SRGAP1: variants seen among roughly 807,000 people sequenced by gnomAD.
SRGAP1 encodes the protein SLIT-ROBO Rho GTPase-activating protein 1.
A neutral mutation model predicts 121.9 loss-of-function variants in SRGAP1; 43 were observed. The observed-to-expected ratio is 0.35, with a 90% CI of 0.28 to 0.46. The LOEUF (loss-of-function observed/expected upper bound fraction) is 0.46, where lower values mean the gene tolerates loss of function less well. Among genes scored for constraint, SRGAP1 ranks in the 20% least tolerant of loss-of-function variants. The probability of loss-of-function intolerance (pLI) is 1.00; values close to 1 mark genes in which losing one functional copy is unlikely to be tolerated. For missense variants in SRGAP1, 1,102 were observed against 1,350.9 expected (o/e 0.82, Z 2.89); for synonymous variants, 447 against 485.4 (o/e 0.92, Z 1.04).
chr12:63,874,929 T>C (rs908192165), intron 1 of SRGAP1, among the ~76,000 whole-genome samples: 7 of 152,228 alleles, frequency 4.6e-5, no homozygotes, highest in Admixed American at 4.6e-4. Flanking sequence ...AAAAAAATTT[T>C]TTTTGAGATA....
At position 64,150,934 on chromosome 12, in the gene SRGAP1, C is replaced by CTAAAAAAAAAAAAA. The variant is rs2037113096; in HGVS notation, c.*8262_*8263insTAAAAAAAAAAAAA. The CTAAAAAAAAAAAAA allele has an allele frequency of 4.0e-5, 1 of 24,706 alleles. No homozygotes were observed. Among genetic ancestry groups the CTAAAAAAAAAAAAA allele is most frequent in the Non-Finnish European group, 1.0e-4 (1 of 9,650 alleles). 1.5% of individuals were successfully genotyped at this position (24,706 alleles called of 1,614,324 possible). On this transcript the variant is annotated 3_prime_UTR_variant, in exon 22 of 22. Coordinates refer to ENST00000355086, the MANE Select transcript of SRGAP1 (RefSeq NM_020762.4). ...TGGGTGGAAGAGTGAGAAGCTATCT[C>CTAAAAAAAAAAAAA]AAAAAAAAAAAAAAAAAAAAAAAAA... is the stretch of plus-strand genomic sequence containing the variant.
chr12:63,960,980 C>G (rs1411991180), intron 1 of SRGAP1, among the ~76,000 whole-genome samples: 3 of 152,152 alleles, frequency 2.0e-5, no homozygotes, highest in Non-Finnish European at 4.4e-5. Flanking sequence ...CAGAATAAAT[C>G]TGTGTTGTTT....
chr12:63,899,942 A>G (rs1900880597), intron 1 of SRGAP1, among the ~76,000 whole-genome samples: 1 of 152,226 alleles, frequency 6.6e-6, no homozygotes, highest in African/African-American at 2.4e-5. Context: ...AATATGAGGC[A>G]CTGAACTCGA....
At chr12:64,100,298 A>T (rs1019015578) in intron 15 of SRGAP1, among the ~76,000 whole-genome samples, 10 of 152,226 alleles carry the variant, frequency 6.6e-5, no homozygotes, top group African/African-American at 2.4e-4. Context: ...TCCTCAAGTT[A>T]CATTGTTTCC....
At chr12:63,914,933 G>C (rs1336757468) in intron 1 of SRGAP1, among the ~76,000 whole-genome samples, 1 of 152,134 alleles carries the variant, frequency 6.6e-6, no homozygotes. Context: ...AGGATGTTAA[G>C]ATTGTTTTTG....
intron 3 of SRGAP1, among the ~76,000 whole-genome samples, chr12:64,007,587 T>C (rs1003332679): frequency 6.6e-6 from 1 of 152,102 alleles, no homozygotes; most frequent in African/African-American, 2.4e-5. Context: ...GTTAAAGACA[T>C]TGGGAATATT....
At chr12:63,864,412 T>C (rs1250368160) in intron 1 of SRGAP1, among the ~76,000 whole-genome samples, 2 of 152,210 alleles carry the variant, frequency 1.3e-5, no homozygotes, top group Non-Finnish European at 2.9e-5. Flanking sequence ...TGTAGATTAG[T>C]ATACATCTCA....
At chr12:64,087,872 T>G (rs1313242988) in intron 11 of SRGAP1, among the ~76,000 whole-genome samples, 12 of 152,220 alleles carry the variant, frequency 7.9e-5, no homozygotes, top group Non-Finnish European at 4.4e-5. Flanking sequence ...TGTACTTTCT[T>G]CATTCAGGGG....
chr12:64,029,522 C>A (rs2034727440), intron 4 of SRGAP1, among the ~76,000 whole-genome samples: 1 of 152,020 alleles, frequency 6.6e-6, no homozygotes, highest in East Asian at 1.9e-4. Flanking sequence ...AAGCATGGAA[C>A]CACTCAGGAG....
At chr12:63,855,459 A>C (rs1305892946) in intron 1 of SRGAP1, among the ~76,000 whole-genome samples, 1 of 148,822 alleles carries the variant, frequency 6.7e-6, no homozygotes, top group Non-Finnish European at 1.5e-5. Flanking sequence ...GCAGCAGTCA[A>C]CATGAAAAAT....
chr12:63,865,344 C>T (rs1899590261), intron 1 of SRGAP1, among the ~76,000 whole-genome samples: 1 of 151,962 alleles, frequency 6.6e-6, no homozygotes, highest in East Asian at 1.9e-4. Flanking sequence ...TGGTGGGTGC[C>T]TATAATCTTA....
chr12:63,853,456 A>G (rs898646741), intron 1 of SRGAP1, among the ~76,000 whole-genome samples: 1 of 152,262 alleles, frequency 6.6e-6, no homozygotes, highest in South Asian at 2.1e-4. Flanking sequence ...AACTAACTGT[A>G]TACATGCAAT....
At position 63,968,890 on chromosome 12, in the gene SRGAP1, A is replaced by G. The variant is rs113285732; in HGVS notation, c.68-15057A>G. ...GCACCTGTGCTTGGGGAAGCATCCA[A>G]TGGAGTGGCAGAGGCTCAATGCCAT... is the stretch of plus-strand genomic sequence containing the variant. On this transcript the variant is annotated intron_variant, in intron 1 of 21. Coordinates refer to ENST00000355086, the MANE Select transcript of SRGAP1 (RefSeq NM_020762.4). Among the ~76,000 whole-genome samples, 960 of 152,278 alleles carry G rather than the reference A, an allele frequency of 6.3e-3. 14 individuals carry two copies. The highest frequency in any genetic ancestry group is 0.022 in the African/African-American group (902 of 41,560).
chr12:64,098,683 A>T lies in SRGAP1; in HGVS notation c.1813+1308A>T, dbSNP rs10693359. ...AGACTCTGTCTCAAAAAAAAATAAA[A>T]AAATAAAAAAGCTAACTCCATGGCA... On this transcript the variant is annotated intron_variant, in intron 15 of 21. Transcript: ENST00000355086. Among the ~76,000 whole-genome samples, 26 of 144,818 alleles carry T rather than the reference A, an allele frequency of 1.8e-4. 1 individual carries two copies. Among genetic ancestry groups the T allele is most frequent in the African/African-American group, 6.9e-4 (24 of 34,548 alleles).
intron 21 of SRGAP1, among the ~76,000 whole-genome samples, chr12:64,141,603 T>C (rs1336056325): frequency 6.6e-6 from 1 of 151,940 alleles, no homozygotes; most frequent in African/African-American, 2.4e-5. Flanking sequence ...GTTGAAAATC[T>C]TTTTTTCAAA....
intron 19 of SRGAP1, 83 bp from the exon 20 acceptor site, chr12:64,127,507 A>C: frequency 2.2e-6 from 3 of 1,392,550 alleles, no homozygotes; most frequent in Non-Finnish European, 2.9e-6. Flanking sequence ...CTATCACGTA[A>C]ATTTTCATCT....
Position 64,147,254 on chromosome 12 carries a change from C to T in SRGAP1, c.*4582C>T. On this transcript the variant is annotated 3_prime_UTR_variant, in exon 22 of 22. Coordinates refer to ENST00000355086, the MANE Select transcript of SRGAP1 (RefSeq NM_020762.4). ...GTAGCTTCCTGCTTGTGACTGTTAC[C>T]TAATTGTGTCAATGTACATCTGTAG... is the stretch of plus-strand genomic sequence containing the variant. 1 of 379,484 alleles carries T rather than the reference C, an allele frequency of 2.6e-6. No homozygotes were observed. The highest frequency in any genetic ancestry group is 4.7e-6 in the Non-Finnish European group (1 of 214,174). 23.5% of individuals were successfully genotyped at this position (379,484 alleles called of 1,614,324 possible).
intron 4 of SRGAP1, among the ~76,000 whole-genome samples, chr12:64,041,267 A>T (rs2035013970): frequency 6.6e-6 from 1 of 152,142 alleles, no homozygotes; most frequent in South Asian, 2.1e-4. Context: ...AAATATGCTG[A>T]TATCTAAGTG....
At chr12:63,890,018 T>C (rs1900524914) in intron 1 of SRGAP1, among the ~76,000 whole-genome samples, 2 of 152,220 alleles carry the variant, frequency 1.3e-5, no homozygotes, top group Non-Finnish European at 2.9e-5. Flanking sequence ...CGTTTCTTCC[T>C]AACTGGTCTG....
Sources: allele counts gnomAD v4.1 joint callset (sites outside exome capture counted in the v4.1 genomes callset), GRCh38; gene constraint gnomAD v4.1.1; transcripts MANE v1.5; gene names NCBI Gene and HGNC (gene_info 2026-07-23, HGNC 2026-07-21).